CSMD3: variants seen among roughly 807,000 people sequenced by gnomAD.
CSMD3 encodes CUB and Sushi multiple domains 3, also known as CUB and sushi domain-containing protein 3.
CSMD3 carries 177 observed loss-of-function variants against 435.2 expected under a neutral mutation model. That is an observed-to-expected ratio of 0.41 (90% CI 0.36 to 0.46). The LOEUF (loss-of-function observed/expected upper bound fraction) is 0.46, where lower values mean the gene tolerates loss of function less well. CSMD3 is among the 20% of genes least tolerant of loss of function. The pLI is 0.34. For synonymous variants in CSMD3, 1,656 were observed against 1,520.5 expected, an observed-to-expected ratio of 1.09 and a Z score of -2.07; for missense variants, 4,265 against 4,504.6, an observed-to-expected ratio of 0.95 and a Z score of 1.52.
chr8:113,216,777 C>A (rs1324906525), intron 3 of CSMD3, among the ~76,000 whole-genome samples: 1 of 151,818 alleles, frequency 6.6e-6, no homozygotes, highest in Non-Finnish European at 1.5e-5. Flanking sequence ...AAGCTTTAGA[C>A]TGAAATGTGG....
At chr8:113,350,670 T>A (rs1302256228) in intron 1 of CSMD3, among the ~76,000 whole-genome samples, 2 of 152,148 alleles carry the variant, frequency 1.3e-5, no homozygotes, top group East Asian at 3.9e-4. Flanking sequence ...AGCTCTTCTC[T>A]AGTTTATTTC....
At chr8:112,351,269 C>A (rs1170811693) in intron 39 of CSMD3, 25 bp from the exon 40 acceptor site, 1 of 1,501,658 alleles carries the variant, frequency 6.7e-7, no homozygotes, top group South Asian at 1.1e-5. Context: ...TGATGTGGTT[C>A]AGTACACATA....
Position 112,947,810 on chromosome 8 carries a change from C to G in CSMD3, c.1488G>C (p.Lys496Asn), listed in dbSNP as rs777653777. The G allele has an allele frequency of 6.9e-7, 1 of 1,456,344 alleles. No homozygotes were observed. Among genetic ancestry groups the G allele is most frequent in the Non-Finnish European group, 9.6e-7 (1 of 1,038,352 alleles). 90.2% of individuals were successfully genotyped at this position (1,456,344 alleles called of 1,614,324 possible). Residue 496 changes from lysine to asparagine, a missense_variant, in exon 9 of 71, where the codon AAG (lysine) becomes AAC (asparagine). This residue lies in a region of CSMD3 where 731 missense variants were observed against 755.4 expected (regional missense o/e 0.97). Coordinates refer to ENST00000297405, the MANE Select transcript of CSMD3 (RefSeq NM_198123.2). ...CPDPGEPENG[K>N]RIGSDFSLGS... ...ATTACCTAAAATCTGATCCGATTCT[C>G]TTCCCATTTTCTGGTTCTCCTGGAT... is the stretch of plus-strand genomic sequence containing the variant.
Position 113,285,175 on chromosome 8 carries a change from T to C in CSMD3, c.402-6471A>G, listed in dbSNP as rs2093637094. Among the ~76,000 whole-genome samples the C allele has an allele frequency of 2.0e-5, 3 of 152,060 alleles. No individual in the cohort carries two copies. In the South Asian group the frequency reaches 6.2e-4, roughly 31 times the overall value. ...TCACCCACATCACAACTTTAAGTAG[T>C]TGTGGGTGGTAAGAATTATTATGAA... On this transcript the variant is annotated intron_variant, in intron 2 of 70. Coordinates refer to ENST00000297405, the MANE Select transcript of CSMD3 (RefSeq NM_198123.2).
At chr8:112,357,480 A>G (rs1235123886) in intron 38 of CSMD3, among the ~76,000 whole-genome samples, 1 of 152,238 alleles carries the variant, frequency 6.6e-6, no homozygotes, top group Non-Finnish European at 1.5e-5. Flanking sequence ...AGCTGCATAA[A>G]TTTGCATAAG....
chr8:113,398,996 T>C (rs1390229770), intron 1 of CSMD3, among the ~76,000 whole-genome samples: 1 of 149,740 alleles, frequency 6.7e-6, no homozygotes, highest in Non-Finnish European at 1.5e-5. Context: ...TATTCCTCTT[T>C]GTTGCAGGAA....
intron 35 of CSMD3, among the ~76,000 whole-genome samples, chr8:112,398,500 A>G (rs928536556): frequency 1.3e-5 from 2 of 152,180 alleles, no homozygotes; most frequent in African/African-American, 4.8e-5. Flanking sequence ...CATGACCCCT[A>G]TGGCAGTTCT....
At chr8:113,100,172 T>C (rs1004241911) in intron 4 of CSMD3, among the ~76,000 whole-genome samples, 1 of 152,134 alleles carries the variant, frequency 6.6e-6, no homozygotes, top group African/African-American at 2.4e-5. Context: ...AATCTATAAA[T>C]CAAAAATGTA....
intron 4 of CSMD3, among the ~76,000 whole-genome samples, chr8:113,122,783 C>T (rs1026925682): frequency 1.5e-4 from 23 of 152,148 alleles, no homozygotes; most frequent in Middle Eastern, 6.8e-3. Context: ...CTATGACCTA[C>T]AAAATTGTAA....
intron 61 of CSMD3, chr8:112,256,034 C>G (rs530084600): frequency 2.0e-5 from 3 of 152,418 alleles, no homozygotes; most frequent in African/African-American, 7.2e-5. Context: ...TATGGAATGT[C>G]AATGTTCTAC....
chr8:112,892,985 A>C (rs1202914086), intron 10 of CSMD3, among the ~76,000 whole-genome samples: 7 of 151,474 alleles, frequency 4.6e-5, no homozygotes, highest in Non-Finnish European at 8.9e-5. Flanking sequence ...AGATAAATTA[A>C]GTCAATATAT....
chr8:112,353,895 A>T (rs1269160755), intron 38 of CSMD3, among the ~76,000 whole-genome samples: 1 of 152,190 alleles, frequency 6.6e-6, no homozygotes, highest in East Asian at 1.9e-4. Context: ...ACACAACAAA[A>T]AAAGAAAAAT....
intron 32 of CSMD3, among the ~76,000 whole-genome samples, chr8:112,468,555 C>T (rs1818205038): frequency 6.6e-6 from 1 of 151,998 alleles, no homozygotes; most frequent in Non-Finnish European, 1.5e-5. Flanking sequence ...AAAAAATTTT[C>T]CCTCTGACAA....
intron 3 of CSMD3, among the ~76,000 whole-genome samples, chr8:113,278,359 T>C (rs1451940509): frequency 2.0e-5 from 3 of 151,888 alleles, no homozygotes; most frequent in African/African-American, 2.4e-5. Flanking sequence ...TAATTCCGTT[T>C]TGTTAATTCG....
intron 5 of CSMD3, among the ~76,000 whole-genome samples, chr8:113,070,270 T>C (rs1174211339): frequency 6.6e-6 from 1 of 152,044 alleles, no homozygotes; most frequent in Non-Finnish European, 1.5e-5. Context: ...CATATGGTCA[T>C]TGTTGCTGCA....
chr8:112,582,012 T>C lies in CSMD3; in HGVS notation c.3885+5054A>G, dbSNP rs964041725. 2.6e-5 allele frequency among the ~76,000 whole-genome samples: 4 copies of C among 151,976 alleles called. No homozygotes were observed. In the East Asian group the frequency reaches 7.7e-4, roughly 29 times the overall value. On this transcript the variant is annotated intron_variant, in intron 23 of 70. Coordinates refer to ENST00000297405, the MANE Select transcript of CSMD3 (RefSeq NM_198123.2). ...TTGGTGTTAGAGCATGTGATATGGT[T>C]TGAATGTTTGTGCCTTCCAAATCTC...
intron 13 of CSMD3, among the ~76,000 whole-genome samples, chr8:112,693,651 G>A (rs2076188221): frequency 6.6e-6 from 1 of 151,570 alleles, no homozygotes; most frequent in African/African-American, 2.4e-5. Flanking sequence ...TCTACTAGGT[G>A]CTCAATAGAC....
At chr8:112,264,770 T>G (rs1314040106) in intron 60 of CSMD3, among the ~76,000 whole-genome samples, 1 of 152,132 alleles carries the variant, frequency 6.6e-6, no homozygotes, top group African/African-American at 2.4e-5. Flanking sequence ...AAATCTTAAA[T>G]ATTAAAAATC....
At chr8:112,933,839 T>G (rs2130724214) in intron 9 of CSMD3, among the ~76,000 whole-genome samples, 1 of 152,162 alleles carries the variant, frequency 6.6e-6, no homozygotes, top group East Asian at 1.9e-4. Context: ...GTTTACAAAC[T>G]TTCTATTTCT....
Sources: allele counts gnomAD v4.1 joint callset (sites outside exome capture counted in the v4.1 genomes callset), GRCh38; gene constraint gnomAD v4.1.1; regional missense constraint gnomAD v4.1.1; transcripts MANE v1.5; gene names NCBI Gene and HGNC (gene_info 2026-07-23, HGNC 2026-07-21).